PRDM11: variants seen among roughly 807,000 people sequenced by gnomAD.
PRDM11 encodes the protein PR/SET domain 11, also known as PR domain-containing protein 11.
In PRDM11, 20 loss-of-function variants were observed where a neutral mutation model predicts 97.8. That is an observed-to-expected ratio of 0.20 (90% CI 0.14 to 0.30). The LOEUF is 0.30. PRDM11 is among the 10% of genes least tolerant of loss of function. The pLI is 1.00. For synonymous variants in PRDM11, 599 were observed against 637.7 expected, an observed-to-expected ratio of 0.94 and a Z score of 0.91; for missense variants, 1,139 against 1,555.2, an observed-to-expected ratio of 0.73 and a Z score of 4.50.
chr11:45,178,420 C>T (rs1249762854), intron 1 of PRDM11, among the ~76,000 whole-genome samples: 1 of 152,116 alleles, frequency 6.6e-6, no homozygotes, highest in East Asian at 1.9e-4. Context: ...TTCCATCCTA[C>T]CCCCTAGTGC....
In PRDM11 at chr11:45,207,535, C is replaced by A. The variant is rs80161587; in HGVS notation, c.554+2757C>A. 2.3e-3 allele frequency among the ~76,000 whole-genome samples: 346 copies of A among 152,298 alleles called. 1 individual carries two copies. The highest frequency in any genetic ancestry group is 7.4e-3 in the African/African-American group (308 of 41,572). ...GCATTACACAGGACACCCCTTCCCC[C>A]CAACGAAAAATTTTCTAGCCCCAAC... On this transcript the variant is annotated intron_variant, in intron 5 of 7. Coordinates refer to ENST00000683152, the MANE Select transcript of PRDM11 (RefSeq NM_001384648.1).
intron 5 of PRDM11, 135 bp downstream of exon 5, chr11:45,204,913 T>A: frequency 1.2e-6 from 1 of 860,428 alleles, no homozygotes; most frequent in Non-Finnish European, 1.9e-6. Flanking sequence ...TGGATGCATC[T>A]AGCTCTGAAG....
intron 1 of PRDM11, among the ~76,000 whole-genome samples, chr11:45,163,502 C>T (rs1210961137): frequency 2.0e-5 from 3 of 152,028 alleles, no homozygotes; most frequent in Non-Finnish European, 2.9e-5. Context: ...GGGGGGTACC[C>T]GGTGGTCCCA....
At chr11:45,195,183 T>C (rs931854822) in intron 4 of PRDM11, among the ~76,000 whole-genome samples, 5 of 152,210 alleles carry the variant, frequency 3.3e-5, no homozygotes, top group African/African-American at 1.2e-4. Flanking sequence ...AATGAACCTT[T>C]GGCAGATTTT....
chr11:45,115,203 G>A (rs994762969), intron 1 of PRDM11, among the ~76,000 whole-genome samples: 1 of 151,776 alleles, frequency 6.6e-6, no homozygotes, highest in Non-Finnish European at 1.5e-5. Context: ...ACAAAGCAAA[G>A]GTTCTTACTT....
At chr11:45,178,402 G>A (rs1852381648) in intron 1 of PRDM11, among the ~76,000 whole-genome samples, 1 of 152,130 alleles carries the variant, frequency 6.6e-6, no homozygotes. Flanking sequence ...TGAGTCTCAT[G>A]AGTCTAATTC....
At chr11:45,103,058 C>G (rs998939996) in intron 1 of PRDM11, among the ~76,000 whole-genome samples, 3 of 152,222 alleles carry the variant, frequency 2.0e-5, no homozygotes, top group African/African-American at 7.2e-5. Context: ...TCTCTCTACT[C>G]CCAGCCCAGT....
chr11:45,169,145 A>G (rs1852140671), intron 1 of PRDM11, among the ~76,000 whole-genome samples: 1 of 152,140 alleles, frequency 6.6e-6, no homozygotes, highest in African/African-American at 2.4e-5. Context: ...AGTAATACTG[A>G]TAAGTATTTG....
intron 5 of PRDM11, chr11:45,214,516 G>A (rs992494811): frequency 2.6e-5 from 4 of 152,076 alleles, no homozygotes; most frequent in African/African-American, 9.7e-5. Context: ...CACGTAGGGA[G>A]AATGGAAGGT....
chr11:45,163,184 C>T (rs1319549067), intron 1 of PRDM11, among the ~76,000 whole-genome samples: 1 of 152,200 alleles, frequency 6.6e-6, no homozygotes, highest in Non-Finnish European at 1.5e-5. Context: ...TGGTCTTGGT[C>T]TTCCTCCGGG....
At chr11:45,124,309 C>A (rs1031852850) in intron 1 of PRDM11, among the ~76,000 whole-genome samples, 7 of 152,180 alleles carry the variant, frequency 4.6e-5, no homozygotes, top group Non-Finnish European at 4.4e-5. Flanking sequence ...TTGACTTCCT[C>A]TTTTCCTAAT....
intron 4 of PRDM11, among the ~76,000 whole-genome samples, chr11:45,198,655 A>C (rs764952292): frequency 5.3e-5 from 8 of 152,232 alleles, no homozygotes. Flanking sequence ...ATTCTGTTGC[A>C]AAGCAGAGCA....
intron 4 of PRDM11, among the ~76,000 whole-genome samples, chr11:45,198,142 A>T (rs1280418761): frequency 6.6e-6 from 1 of 152,160 alleles, no homozygotes; most frequent in African/African-American, 2.4e-5. Flanking sequence ...AGGAAGTTAT[A>T]CTCACGTGCC....
intron 1 of PRDM11, among the ~76,000 whole-genome samples, chr11:45,176,141 C>T (rs1852322904): frequency 6.6e-6 from 1 of 152,036 alleles, no homozygotes; most frequent in African/African-American, 2.4e-5. Context: ...CAGCACGGAT[C>T]CCAGGGCAGA....
intron 1 of PRDM11, among the ~76,000 whole-genome samples, chr11:45,163,492 G>A (rs995831652): frequency 1.1e-4 from 16 of 151,746 alleles, no homozygotes; most frequent in Non-Finnish European, 2.2e-4. Context: ...TGAGGATGGG[G>A]GGGGGTACCC....
At chr11:45,123,402 A>C (rs1428323104) in intron 1 of PRDM11, among the ~76,000 whole-genome samples, 1 of 151,524 alleles carries the variant, frequency 6.6e-6, no homozygotes, top group African/African-American at 2.4e-5. Context: ...GGTGTTTTAG[A>C]CATGAAGTCC....
chr11:45,143,405 A>G (rs1851446090), upstream of PRDM11, among the ~76,000 whole-genome samples: 1 of 152,192 alleles, frequency 6.6e-6, no homozygotes, highest in South Asian at 2.1e-4. Context: ...AGAGTATCTC[A>G]GTAGCCTTCA....
At chr11:45,156,852 C>T (rs1044398253) in intron 1 of PRDM11, among the ~76,000 whole-genome samples, 3 of 151,840 alleles carry the variant, frequency 2.0e-5, no homozygotes, top group Admixed American at 1.3e-4. Flanking sequence ...GTTTGCCAGG[C>T]GGAGGGAGAG....
At chr11:45,136,272 C>T (rs904903845) in intron 1 of PRDM11, among the ~76,000 whole-genome samples, 1 of 151,996 alleles carries the variant, frequency 6.6e-6, no homozygotes, top group Non-Finnish European at 1.5e-5. Flanking sequence ...TAAATGTTAC[C>T]TGAAATGATA....
Sources: allele counts gnomAD v4.1 joint callset (sites outside exome capture counted in the v4.1 genomes callset), GRCh38; gene constraint gnomAD v4.1.1; transcripts MANE v1.5; gene names NCBI Gene and HGNC (gene_info 2026-07-23, HGNC 2026-07-21).